The following PRB2 variants were observed in gnomAD, a reference collection of about 807,000 sequenced individuals.
The protein encoded by PRB2 is proline rich protein BstNI subfamily 2, also known as basic salivary proline-rich protein 2.
Under a neutral mutation model 8.3 loss-of-function variants are expected in PRB2, and 12 were observed. That is an observed-to-expected ratio of 1.45 (90% CI 0.93 to 2.35). PRB2 has a LOEUF of 2.35. Ranked by LOEUF, PRB2 falls within the 30% of genes most tolerant of loss-of-function variation. PRB2 has a pLI of 0.00. For missense variants in PRB2, 470 were observed against 507.0 expected (o/e 0.93, Z 0.70); for synonymous variants, 146 against 180.0 (o/e 0.81, Z 1.51).
intron 2 of PRB2, 86 bp downstream of exon 2, chr12:11,394,409 G>C: frequency 6.7e-7 from 1 of 1,492,034 alleles, no homozygotes; most frequent in Non-Finnish European, 9.4e-7. Flanking sequence ...CGAAAGGAAA[G>C]TTTTGATAAG....
intron 1 of PRB2, 116 bp downstream of exon 1, chr12:11,395,350 C>T: frequency 1.6e-6 from 2 of 1,274,288 alleles, no homozygotes; most frequent in Non-Finnish European, 2.3e-6. Context: ...TGATCCTAGG[C>T]ATGAAAACTC....
At position 11,395,501 on chromosome 12, in the gene PRB2, A is replaced by G. The variant is rs1358045908; in HGVS notation, c.29T>C (p.Leu10Ser). The G allele has an allele frequency of 1.9e-6, 3 of 1,613,534 alleles. No individual in the cohort carries two copies. The highest frequency in any genetic ancestry group is 2.5e-6 in the Non-Finnish European group (3 of 1,179,750). The change falls in exon 1 of 4, where the codon TTG becomes TCG. Residue 10 changes from leucine (L) to serine (S), a missense_variant. Leu to Ser is a moderately radical substitution (Grantham distance 145). Transcript: ENST00000389362. MLLILLSVA[L>S]LALSSAQNLN... is the part of the protein sequence containing the mutation. ...GTTCTGAGCTGAGCTCAGGGCCAGC[A>G]AGGCCACTGACAGCAGAATCAACAG...
intron 3 of PRB2, among the ~76,000 whole-genome samples, chr12:11,391,885 A>G (rs3983891): frequency 0.66 from 84,382 of 128,780 alleles, 29,899 homozygotes; most frequent in Non-Finnish European, 0.75. Flanking sequence ...TTCTTAGCTT[A>G]TTATTACTTG....
intron 1 of PRB2, among the ~76,000 whole-genome samples, 155 bp from the exon 2 acceptor site, chr12:11,394,685 A>G (rs556865840): frequency 1.8e-4 from 28 of 152,200 alleles, no homozygotes; most frequent in Admixed American, 1.1e-3. Context: ...GAAGGGGAGG[A>G]AGGTGTAAGG....
chr12:11,393,777 G>C lies in PRB2; in HGVS notation c.301C>G (p.Pro101Ala), dbSNP rs747935591. Residue 101 changes from proline (P) to alanine (A), a missense_variant, in exon 3 of 4, where the codon CCA (proline) becomes GCA (alanine). Pro to Ala is a conservative substitution (Grantham distance 27). This residue lies in a region of PRB2 where 211 missense variants were observed against 207.7 expected (regional missense o/e 1.02). Transcript: ENST00000389362. ...GPPPPGKPQG[P>A]PPQGDKSRSP... The stretch of plus-strand genomic sequence containing the variant: ...CGGGACTTGTCTCCTTGTGGGGGTG[G>C]TCCTTGTGGCTTTCCTGGAGGTGGG... The C allele has an allele frequency of 3.1e-6, 5 of 1,593,696 alleles. No homozygotes were observed. Among genetic ancestry groups the C allele is most frequent in the Non-Finnish European group, 4.3e-6 (5 of 1,171,610 alleles).
At chr12:11,395,421 A>T in intron 1 of PRB2, 45 bp downstream of exon 1, 1 of 1,610,940 alleles carries the variant, frequency 6.2e-7, no homozygotes, top group Non-Finnish European at 8.5e-7. Context: ...ATCACCTCCT[A>T]AGCCCCAAGC....
intron 1 of PRB2, 132 bp downstream of exon 1, chr12:11,395,334 G>A: frequency 9.2e-7 from 1 of 1,085,826 alleles, no homozygotes; most frequent in Non-Finnish European, 1.4e-6. Flanking sequence ...GGCACAACAA[G>A]TCTCCTGATC....
chr12:11,391,935 A>G (rs1864331139), intron 3 of PRB2, among the ~76,000 whole-genome samples: 1 of 114,100 alleles, frequency 8.8e-6, no homozygotes, highest in Non-Finnish European at 1.8e-5. Flanking sequence ...ACAGATGGGA[A>G]CTGGAACATA....
Position 11,393,386 on chromosome 12 carries a change from T to A in PRB2, c.692A>T (p.Lys231Met). Reference sequence around the variant, plus strand: ...TGGAGGAGATCGGGCACTTTGGGACTTGTTGTCTCCTTGTGGGGGTGGTCC... The same window carrying A: ...TGGAGGAGATCGGGCACTTTGGGACATGTTGTCTCCTTGTGGGGGTGGTCC... ...PQGPPPQGDN[K>M]SQSARSPPGK... The change falls in exon 3 of 4, where the codon AAG (lysine) becomes ATG (methionine). Residue 231 changes from lysine to methionine, a missense_variant. Coordinates refer to ENST00000389362, the MANE Select transcript of PRB2 (RefSeq NM_006248.4). The A allele has an allele frequency of 6.3e-7, 1 of 1,586,530 alleles. No homozygotes were observed.
At chr12:11,394,104 G>C in intron 2 of PRB2, 127 bp from the exon 3 acceptor site, 1 of 1,311,810 alleles carries the variant, frequency 7.6e-7, no homozygotes, top group Non-Finnish European at 1.1e-6. Flanking sequence ...ATGAGACCAA[G>C]ACATTAATTT....
rs375073664 is a variant in PRB2 at position 11,394,528 on chromosome 12, C to T, written c.67G>A (p.Val23Ile). Reference sequence around the variant, plus strand: ...AGGGAGGGAGATTCTTCCTGGCTGACATCTAGAAGAGAAGCACAGGATGAT... The same window carrying T: ...AGGGAGGGAGATTCTTCCTGGCTGATATCTAGAAGAGAAGCACAGGATGAT... The part of the protein sequence containing the change: ...LSSAQNLNED[V>I]SQEESPSLIA... Residue 23 changes from valine to isoleucine, a missense_variant and splice_region_variant, in exon 2 of 4, where the codon GTC (valine) becomes ATC (isoleucine). Coordinates refer to ENST00000389362, the MANE Select transcript of PRB2 (RefSeq NM_006248.4). The T allele has an allele frequency of 4.3e-5, 69 of 1,613,224 alleles. No individual in the cohort carries two copies. The African/African-American group carries it at 7.6e-4, about 18-fold the overall frequency.
rs749642828 is a variant in PRB2, at chr12:11,393,218, G to C, written c.860C>G (p.Pro287Arg). The C allele has an allele frequency of 6.4e-7, 1 of 1,565,774 alleles. No homozygotes were observed. The highest frequency in any genetic ancestry group is 1.1e-5 in the South Asian group (1 of 88,182). The change falls in exon 3 of 4, where the codon CCC (proline) becomes CGC (arginine). Residue 287 changes from proline (P) to arginine (R), a missense_variant. Physicochemically the swap from Pro to Arg is moderately radical, Grantham distance 103. Around this residue, in one of 4 missense-constraint regions of PRB2, gnomAD observed 205 missense variants for 195.0 expected, o/e 1.05. Coordinates refer to ENST00000389362, the MANE Select transcript of PRB2 (RefSeq NM_006248.4). Reference sequence around the variant, plus strand: ...TCGGGACTTGCTGCCTCCTTGTGGGGGTGGTCCTTGTGGCTTTCCTGGAGG... The same window carrying C: ...TCGGGACTTGCTGCCTCCTTGTGGGCGTGGTCCTTGTGGCTTTCCTGGAGG... ...PPPPGKPQGP[P>R]PQGGSKSRSS...
At position 11,391,590 on chromosome 12, in the gene PRB2, T is replaced by TA. The variant is rs75653436; in HGVS notation, c.*91_*92insT. On this transcript the variant is annotated 3_prime_UTR_variant, in exon 4 of 4. Coordinates refer to ENST00000389362, the MANE Select transcript of PRB2 (RefSeq NM_006248.4). Reference sequence around the variant, plus strand: ...TACAGAAGTTAGAGCTATGATGACCTTTTTCCAATGTCATGGCATTTGAAT... The same window carrying TA: ...TACAGAAGTTAGAGCTATGATGACCTATTTTCCAATGTCATGGCATTTGAAT... 0.69 allele frequency: 296,041 copies of TA among 430,238 alleles called. 108,577 individuals are homozygous for TA. The highest frequency in any genetic ancestry group is 0.75 in the Non-Finnish European group (162,728 of 216,398). 26.7% of individuals were successfully genotyped at this position (430,238 alleles called of 1,614,324 possible).
chr12:11,395,249 C>T (rs1244716574), intron 1 of PRB2, among the ~76,000 whole-genome samples: 1 of 152,082 alleles, frequency 6.6e-6, no homozygotes, highest in East Asian at 1.9e-4. Flanking sequence ...CTTACCTTCT[C>T]ATTCCCCTGG....
At chr12:11,391,742 G>C in intron 3 of PRB2, 94 bp from the exon 4 acceptor site, 2 of 292,502 alleles carry the variant, frequency 6.8e-6, no homozygotes, top group Non-Finnish European at 1.3e-5. Flanking sequence ...CAGTACATGA[G>C]AGCCCATCCT....
chr12:11,393,902 C>A lies in PRB2; in HGVS notation c.176G>T (p.Gly59Val). The change falls in exon 3 of 4, where the codon GGA becomes GTA. Residue 59 changes from glycine (G) to valine (V), a missense_variant. Physicochemically the swap from Gly to Val is moderately radical, Grantham distance 109 (BLOSUM62 -3). Transcript: ENST00000389362. ...CTGGTTGCCTCCTTGTGGGGGTGGT[C>A]CTTGTGGCTTTCCTGGAGGAGATGG... is the stretch of plus-strand genomic sequence containing the variant. ...GPPSPPGKPQ[G>V]PPPQGGNQPQ... 1 of 1,470,004 alleles carries A rather than the reference C, an allele frequency of 6.8e-7. No individual in the cohort carries two copies. The highest frequency in any genetic ancestry group is 1.6e-5 in the African/African-American group (1 of 62,038). 91.1% of individuals were successfully genotyped at this position (1,470,004 alleles called of 1,614,324 possible). A position where few individuals can be genotyped will look rare whatever the true frequency, so the allele number is the denominator to read the frequency against.
In PRB2 at chr12:11,395,459, G is replaced by A. The variant is rs371359499; in HGVS notation, c.64+7C>T. ...AGTCACCACATCTTCTCCCCCTTCT[G>A]TTTTACCTTCATTTAAGTTCTGAGC... On this transcript the variant is annotated splice_region_variant and intron_variant, in intron 1 of 3. Transcript: ENST00000389362. 1.7e-5 allele frequency: 28 copies of A among 1,613,716 alleles called. No individual in the cohort carries two copies. In the African/African-American group the frequency reaches 3.7e-4, roughly 22 times the overall value.
At position 11,393,869 on chromosome 12, in the gene PRB2, C is replaced by G. The variant is rs201097729; in HGVS notation, c.209G>C (p.Gly70Ala). The G allele has an allele frequency of 2.1e-6, 3 of 1,441,020 alleles. No individual in the cohort carries two copies. Among genetic ancestry groups the G allele is most frequent in the Middle Eastern group, 1.9e-4 (1 of 5,378 alleles). The allele number at this position is 1,441,020 out of a possible 1,614,324, so 89.3% of individuals were successfully genotyped here. A position where few individuals can be genotyped will look rare whatever the true frequency, so the allele number is the denominator to read the frequency against. ...TGGCTTTCCTGGAGGAGGTGGGGGA[C>G]CTTGAGGCTGGTTGCCTCCTTGTGG... ...PPPQGGNQPQ[G>A]PPPPPGKPQG... The change falls in exon 3 of 4, where the codon GGT becomes GCT. Residue 70 changes from glycine (G) to alanine (A), a missense_variant. By Grantham distance (60) the Gly-to-Ala change is moderately conservative (BLOSUM62 0). This residue lies in a region of PRB2 where 211 missense variants were observed against 207.7 expected (regional missense o/e 1.02). Transcript: ENST00000389362.
intron 2 of PRB2, among the ~76,000 whole-genome samples, 160 bp from the exon 3 acceptor site, chr12:11,394,137 A>G (rs1238396899): frequency 6.6e-6 from 1 of 152,222 alleles, no homozygotes; most frequent in Non-Finnish European, 1.5e-5. Flanking sequence ...GTGAAGACAT[A>G]GAACTCTGGA....
Sources: gnomAD v4.1 joint callset for allele counts (sites outside exome capture counted in the v4.1 genomes callset) on GRCh38, gnomAD v4.1.1 for gene constraint, gnomAD v4.1.1 regional missense constraint, MANE v1.5 for transcripts, NCBI Gene and HGNC (gene_info 2026-07-23, HGNC 2026-07-21) for gene names.